CA10: variants seen among roughly 807,000 people sequenced by gnomAD.
CA10 encodes carbonic anhydrase 10 (inactive).
A neutral mutation model predicts 44.2 loss-of-function variants in CA10; 14 were observed. The ratio of observed to expected loss-of-function variants is 0.32; its 90% CI spans 0.21 to 0.50. CA10 has a LOEUF of 0.50. Ranked by LOEUF, CA10 falls within the 20% of genes least tolerant of loss-of-function variation. CA10 has a pLI of 0.99. For synonymous variants in CA10, 159 were observed against 141.6 expected (o/e 1.12, Z -0.87); for missense variants, 350 against 409.7 (o/e 0.85, Z 1.26).
chr17:51,961,998 C>T (rs909971301), intron 2 of CA10, among the ~76,000 whole-genome samples: 4 of 152,110 alleles, frequency 2.6e-5, no homozygotes, highest in Non-Finnish European at 5.9e-5. Flanking sequence ...CAAGTCACCT[C>T]GATCAGCAGA....
At chr17:51,752,150 T>C (rs572629517) in intron 3 of CA10, among the ~76,000 whole-genome samples, 135 of 152,008 alleles carry the variant, frequency 8.9e-4, no homozygotes, top group Non-Finnish European at 1.4e-3. Flanking sequence ...CAAAAAAAGC[T>C]GTGTAGCCAG....
rs535621667 is a variant in CA10, at chr17:51,896,143, T to C, written c.279+34847A>G. On this transcript the variant is annotated intron_variant, in intron 3 of 8. Coordinates refer to ENST00000451037, the MANE Select transcript of CA10 (RefSeq NM_020178.5). The stretch of plus-strand genomic sequence containing the variant: ...TACATGTGCAGGTTTGGTATATAGG[T>C]AAATTGCATGTCATGGGAGTTTGGT... Among the ~76,000 whole-genome samples, 207 of 152,154 alleles carry C rather than the reference T, an allele frequency of 1.4e-3. 4 individuals carry two copies. The South Asian group carries it at 0.023, about 17-fold the overall frequency.
chr17:52,147,491 T>TAA (rs369637225), intron 1 of CA10, among the ~76,000 whole-genome samples: 1 of 131,860 alleles, frequency 7.6e-6, no homozygotes. Context: ...AAAGCAGATT[T>TAA]AAAAAAAAAA....
intron 3 of CA10, among the ~76,000 whole-genome samples, chr17:51,847,671 C>G (rs1373902958): frequency 6.6e-6 from 1 of 152,154 alleles, no homozygotes; most frequent in Non-Finnish European, 1.5e-5. Context: ...TGGCAGGAAT[C>G]AGTGGGATAT....
At chr17:51,821,023 TCCTCCCTCCCTCCCTCCCTCCCTC>T (rs768265204) in intron 3 of CA10, among the ~76,000 whole-genome samples, 6 of 42,318 alleles carry the variant, frequency 1.4e-4, no homozygotes, top group Admixed American at 2.6e-4. Flanking sequence ...CTCCCTTAAT[TCCTCCCTCCCTCCCTCCCTCCCTC>T]CCTCCCTCCC....
intron 3 of CA10, among the ~76,000 whole-genome samples, chr17:51,750,907 C>T (rs1209802763): frequency 6.6e-6 from 1 of 152,154 alleles, no homozygotes; most frequent in Non-Finnish European, 1.5e-5. Context: ...AATCAAGGCA[C>T]TGACTACATT....
At chr17:51,796,004 G>T (rs759971941) in intron 3 of CA10, among the ~76,000 whole-genome samples, 1 of 152,170 alleles carries the variant, frequency 6.6e-6, no homozygotes, top group Admixed American at 6.5e-5. Flanking sequence ...TTTATAGAAC[G>T]GGGCTTGCAG....
At position 51,835,022 on chromosome 17, in the gene CA10, C is replaced by T. The variant is rs570871343; in HGVS notation, c.280-87204G>A. Among the ~76,000 whole-genome samples, 6 of 152,192 alleles carry T rather than the reference C, an allele frequency of 3.9e-5. 1 individual carries two copies. Among genetic ancestry groups the T allele is most frequent in the Non-Finnish European group, 8.8e-5 (6 of 68,036 alleles). ...ATGGGACCAACCCTTCCCTGCTACT[C>T]TAGCTGTATATAGGAAGAATATGAG... is the stretch of plus-strand genomic sequence containing the variant. On this transcript the variant is annotated intron_variant, in intron 3 of 8. Transcript: ENST00000451037.
intron 2 of CA10, among the ~76,000 whole-genome samples, chr17:51,941,921 C>A (rs1170589569): frequency 6.6e-6 from 1 of 151,926 alleles, no homozygotes; most frequent in Non-Finnish European, 1.5e-5. Context: ...TCTCACTGTC[C>A]CTCTATCCCT....
At chr17:52,076,560 T>G (rs1283164290) in intron 1 of CA10, among the ~76,000 whole-genome samples, 1 of 152,190 alleles carries the variant, frequency 6.6e-6, no homozygotes, top group Non-Finnish European at 1.5e-5. Context: ...ATTACAAAAT[T>G]TAATGGCTGC....
intron 2 of CA10, among the ~76,000 whole-genome samples, chr17:51,959,797 G>GAA (rs3062037): frequency 0.39 from 43,284 of 112,252 alleles, 9,248 homozygotes; most frequent in African/African-American, 0.54. Flanking sequence ...CTGCTAAGAT[G>GAA]AAAAAAAAAA....
At chr17:51,741,555 G>A (rs185831052) in intron 4 of CA10, among the ~76,000 whole-genome samples, 245 of 152,082 alleles carry the variant, frequency 1.6e-3, no homozygotes, top group African/African-American at 5.4e-3. Flanking sequence ...GAATTTCAGG[G>A]AAAAAAATGC....
At chr17:51,659,242 C>T (rs537365152) in intron 4 of CA10, among the ~76,000 whole-genome samples, 1 of 152,238 alleles carries the variant, frequency 6.6e-6, no homozygotes, top group South Asian at 2.1e-4. Flanking sequence ...GCTGGGGCAT[C>T]CCTCTTTCTT....
chr17:51,993,281 TGCTG>T (rs1985109636), intron 2 of CA10, among the ~76,000 whole-genome samples: 2 of 152,154 alleles, frequency 1.3e-5, no homozygotes, highest in African/African-American at 4.8e-5. Flanking sequence ...TATGAAGCAC[TGCTG>T]ATTAAATAAT....
Position 51,922,660 on chromosome 17 carries a change from G to A in CA10, c.279+8330C>T, listed in dbSNP as rs544807476. Among the ~76,000 whole-genome samples, 13 of 152,030 alleles carry A rather than the reference G, an allele frequency of 8.6e-5. No homozygotes were observed. The East Asian group carries it at 1.7e-3, about 20-fold the overall frequency. ...TGCCAGTTCCTTTTTCGGTACTATCGTTTGTGATTCTATCACCATAATCTT... is the reference window on the plus strand; with the variant it reads ...TGCCAGTTCCTTTTTCGGTACTATCATTTGTGATTCTATCACCATAATCTT... On this transcript the variant is annotated intron_variant, in intron 3 of 8. Transcript: ENST00000451037.
chr17:52,047,329 G>A (rs1168156912), intron 2 of CA10, among the ~76,000 whole-genome samples: 1 of 151,892 alleles, frequency 6.6e-6, no homozygotes, highest in Non-Finnish European at 1.5e-5. Flanking sequence ...GAGGCACAAG[G>A]GAACATTTTG....
intron 3 of CA10, among the ~76,000 whole-genome samples, chr17:51,785,657 G>A (rs1906242066): frequency 1.3e-5 from 2 of 152,122 alleles, no homozygotes; most frequent in African/African-American, 4.8e-5. Context: ...CTGTTCAACT[G>A]GCCTATGTGT....
rs144750170 is a variant in CA10, at chr17:52,062,031, C to T, written c.136+10288G>A. Among the ~76,000 whole-genome samples, 194 of 150,338 alleles carry T rather than the reference C, an allele frequency of 1.3e-3. 5 individuals carry two copies. The South Asian group carries it at 0.023, about 18-fold the overall frequency. On this transcript the variant is annotated intron_variant, in intron 2 of 8. Transcript: ENST00000451037. Reference sequence around the variant, plus strand: ...AAAACCTCATAAATTCACTATATGCCGCAAAGCAAAGCTTTCAAGAAGTGG... The same window carrying T: ...AAAACCTCATAAATTCACTATATGCTGCAAAGCAAAGCTTTCAAGAAGTGG...
At chr17:51,820,674 T>C (rs1907747110) in intron 3 of CA10, among the ~76,000 whole-genome samples, 1 of 152,066 alleles carries the variant, frequency 6.6e-6, no homozygotes, top group African/African-American at 2.4e-5. Flanking sequence ...CTCCCGATTC[T>C]GTTATCTATT....
Sources: allele counts gnomAD v4.1 joint callset (sites outside exome capture counted in the v4.1 genomes callset), GRCh38; gene constraint gnomAD v4.1.1; transcripts MANE v1.5; gene names NCBI Gene and HGNC (gene_info 2026-07-23, HGNC 2026-07-21).